The following LSR variants were observed in gnomAD, a reference collection of about 807,000 sequenced individuals.
LSR encodes lipolysis stimulated lipoprotein receptor, also known as lipolysis-stimulated lipoprotein receptor.
In LSR, 44 loss-of-function variants were observed where a neutral mutation model predicts 61.8. The observed-to-expected ratio is 0.71, with a 90% CI of 0.56 to 0.91. LSR has a LOEUF of 0.91. Among genes scored for constraint, LSR ranks in the 40% least tolerant of loss-of-function variants. The pLI, the probability that LSR is intolerant of heterozygous loss-of-function variation, is 0.00. For missense variants in LSR, 911 were observed against 830.5 expected (o/e 1.10, Z -1.19); for synonymous variants, 397 against 350.6 (o/e 1.13, Z -1.48).
chr19:35,251,851 T>C (rs1318762581), intron 2 of LSR, among the ~76,000 whole-genome samples: 1 of 134,104 alleles, frequency 7.5e-6, no homozygotes, highest in Non-Finnish European at 1.6e-5. Flanking sequence ...TTCTTTTTTT[T>C]TGAGACGGAG....
chr19:35,256,457 A>G (rs2065858020), intron 2 of LSR, among the ~76,000 whole-genome samples: 1 of 152,234 alleles, frequency 6.6e-6, no homozygotes. Flanking sequence ...CTGGCTGGAT[A>G]GAAGAGCCTG....
At chr19:35,263,017 C>T (rs570056071) in intron 5 of LSR, 106 of 234,392 alleles carry the variant, frequency 4.5e-4, no homozygotes, top group African/African-American at 2.3e-3. Flanking sequence ...GCAGTGATTA[C>T]GCCTGTAATC....
rs764770997 is a variant in LSR at position 35,267,735 on chromosome 19, G to GT, written c.1770+2dup. The GT allele has an allele frequency of 2.5e-6, 4 of 1,609,684 alleles. No individual in the cohort carries two copies. In the South Asian group the frequency reaches 4.4e-5, roughly 18 times the overall value. ...GTCCCGAGAGCGCAGGCTCAAGAAG[G>GT]TGAGGGCCGCCCTCCCTGGCGTCCA... On this transcript the variant is annotated splice_donor_variant, in intron 9 of 9. Transcript: ENST00000605618. LOFTEE classifies it high-confidence loss of function.
chr19:35,256,221 G>A (rs549485381), intron 2 of LSR, among the ~76,000 whole-genome samples: 129 of 147,716 alleles, frequency 8.7e-4, no homozygotes, highest in African/African-American at 2.9e-3. Flanking sequence ...GCAACAGAGC[G>A]AGACTCCATC....
At chr19:35,258,212 G>A (rs529336693) in intron 2 of LSR, among the ~76,000 whole-genome samples, 100 of 152,222 alleles carry the variant, frequency 6.6e-4, no homozygotes, top group African/African-American at 2.2e-3. Context: ...GGGAGGCTGA[G>A]GTGGGGGTGG....
intron 3 of LSR, among the ~76,000 whole-genome samples, chr19:35,260,296 T>G (rs2065910594): frequency 6.8e-6 from 1 of 146,254 alleles, no homozygotes; most frequent in Admixed American, 6.8e-5. Context: ...TTTTCCTTTT[T>G]TTTTTTTTTT....
chr19:35,255,252 C>T (rs568571813), intron 2 of LSR, among the ~76,000 whole-genome samples: 13 of 152,090 alleles, frequency 8.5e-5, no homozygotes, highest in South Asian at 2.1e-4. Context: ...CCTAGGAGTT[C>T]GAAGCTGCAG....
At chr19:35,250,794 T>TG in intron 2 of LSR, 135 bp downstream of exon 2, 1 of 570,704 alleles carries the variant, frequency 1.8e-6, no homozygotes, top group South Asian at 3.7e-5. Context: ...AGGGAGCAAT[T>TG]CTTTTTTTTT....
rs757195652 is a variant in LSR at position 35,266,951 on chromosome 19, T to G, written c.1128T>G (p.Ser376Arg). Residue 376 changes from serine to arginine, a missense_variant, in exon 8 of 10, where the codon AGT becomes AGG. Coordinates refer to ENST00000605618, the MANE Select transcript of LSR (RefSeq NM_205834.4). ...ACCCTTCTCGACCTGGCCCCCCCAG[T>G]GGCCGTGTGGAGCGGGGTAAGCAGG... ...NFDPSRPGPP[S>R]GRVERAMSEV... The G allele has an allele frequency of 2.5e-6, 4 of 1,612,790 alleles. No individual in the cohort carries two copies. In the African/African-American group the frequency reaches 5.3e-5, roughly 22 times the overall value.
chr19:35,258,801 C>T (rs1363824158), intron 2 of LSR, 144 bp from the exon 3 acceptor site: 1 of 998,578 alleles, frequency 1.0e-6, no homozygotes, highest in Non-Finnish European at 1.5e-6. Flanking sequence ...TGGTAGGAAT[C>T]TTTGCATATG....
intron 2 of LSR, among the ~76,000 whole-genome samples, chr19:35,252,125 C>T (rs1042450219): frequency 2.0e-5 from 3 of 151,996 alleles, no homozygotes; most frequent in Admixed American, 6.6e-5. Context: ...TGAGCCACCG[C>T]GCCCGGCCCC....
Position 35,258,920 on chromosome 19 carries a change from C to T in LSR, c.455-25C>T, listed in dbSNP as rs867329572. On this transcript the variant is annotated intron_variant, in intron 2 of 9. Transcript: ENST00000605618. Reference sequence around the variant, plus strand: ...TAGGTGCCCCAGCCTCCAAGGTGCCCTCACGCCTTTTCATCCCGACTCAGA... The same window carrying T: ...TAGGTGCCCCAGCCTCCAAGGTGCCTTCACGCCTTTTCATCCCGACTCAGA... 5 of 1,613,378 alleles carry T rather than the reference C, an allele frequency of 3.1e-6. No individual in the cohort carries two copies. In the African/African-American group the frequency reaches 4.0e-5, roughly 13 times the overall value.
intron 1 of LSR, 118 bp downstream of exon 1, chr19:35,249,249 G>A: frequency 1.6e-6 from 2 of 1,275,832 alleles, no homozygotes; most frequent in East Asian, 2.7e-5. Context: ...GGGACCTTCC[G>A]ATCCCCTGGG....
chr19:35,249,585 G>A (rs1371570671), intron 1 of LSR, among the ~76,000 whole-genome samples: 1 of 152,108 alleles, frequency 6.6e-6, no homozygotes, highest in East Asian at 1.9e-4. Context: ...GTGGGTGTGG[G>A]ACTGGGGACT....
Position 35,262,710 on chromosome 19 carries a change from G to A in LSR, c.778+18G>A, listed in dbSNP as rs771733077. 3.1e-6 allele frequency: 5 copies of A among 1,610,496 alleles called. No individual in the cohort carries two copies. The South Asian group carries it at 4.4e-5, about 14-fold the overall frequency. On this transcript the variant is annotated intron_variant, in intron 5 of 9. Coordinates refer to ENST00000605618, the MANE Select transcript of LSR (RefSeq NM_205834.4). Reference sequence around the variant, plus strand: ...CGAGGCCCGTAAGTGTCCCGCTCATGGCCACCCTGGTTTGGGCAACATCCT... The same window carrying A: ...CGAGGCCCGTAAGTGTCCCGCTCATAGCCACCCTGGTTTGGGCAACATCCT...
chr19:35,256,699 G>GATGAATGAATGAATGA (rs71167530), intron 2 of LSR, among the ~76,000 whole-genome samples: 2 of 150,618 alleles, frequency 1.3e-5, no homozygotes, highest in African/African-American at 4.9e-5. Context: ...ATTGTTGAAG[G>GATGAATGAATGAATGA]ATGAATGAAT....
chr19:35,252,130 G>A (rs191877656), intron 2 of LSR, among the ~76,000 whole-genome samples: 2 of 151,366 alleles, frequency 1.3e-5, no homozygotes, highest in East Asian at 2.0e-4. Context: ...CACCGCGCCC[G>A]GCCCCTTGTT....
rs1363977091 is a variant in LSR at position 35,266,711 on chromosome 19, C to T, written c.985C>T (p.Arg329Trp). ...GGQGSYVPLL[R>W]DTDSSVASEV... Reference sequence around the variant, plus strand: ...CCAAGGCTCCTATGTACCCCTGCTTCGGGACACGGACAGCAGTGTGGCCTC... The same window carrying T: ...CCAAGGCTCCTATGTACCCCTGCTTTGGGACACGGACAGCAGTGTGGCCTC... Residue 329 changes from arginine to tryptophan, a missense_variant, in exon 7 of 10, where the codon CGG becomes TGG. Physicochemically the swap from Arg to Trp is moderately radical, Grantham distance 101. Coordinates refer to ENST00000605618, the MANE Select transcript of LSR (RefSeq NM_205834.4). 2.5e-6 allele frequency: 4 copies of T among 1,608,850 alleles called. No individual in the cohort carries two copies. Among genetic ancestry groups the T allele is most frequent in the African/African-American group, 1.3e-5 (1 of 74,894 alleles).
chr19:35,263,238 G>A (rs12981527), intron 5 of LSR: 24,988 of 151,352 alleles, frequency 0.17, 2,530 homozygotes, highest in South Asian at 0.23. Context: ...CTGAGATCAC[G>A]CCACTGCACT....
Sources: gnomAD v4.1 joint callset for allele counts (sites outside exome capture counted in the v4.1 genomes callset) on GRCh38, gnomAD v4.1.1 for gene constraint, MANE v1.5 for transcripts, NCBI Gene and HGNC (gene_info 2026-07-23, HGNC 2026-07-21) for gene names.